Variants in EYS observed in about 807,000 individuals in gnomAD.
EYS encodes the protein EGF-like photoreceptor maintenance factor.
Under a neutral mutation model 282.1 loss-of-function variants are expected in EYS, and 250 were observed. The ratio of observed to expected loss-of-function variants is 0.89; its 90% CI spans 0.80 to 0.98. The LOEUF is 0.98. Ranked by LOEUF, EYS falls within the 50% of genes least tolerant of loss-of-function variation. EYS has a pLI of 0.00. For synonymous variants in EYS, 1,355 were observed against 1,282.9 expected (o/e 1.06, Z -1.20); for missense variants, 4,016 against 3,709.0 (o/e 1.08, Z -2.15).
At chr6:64,989,394 AATATATATATAT>A (rs60684321) in intron 14 of EYS, among the ~76,000 whole-genome samples, 1 of 69,722 alleles carries the variant, frequency 1.4e-5, no homozygotes, top group African/African-American at 7.6e-5. Flanking sequence ...GGCTAGCTGT[AATATATATATAT>A]ATATATATAT....
In EYS at chr6:65,495,006, AGT is replaced by A. The variant is rs2127271339; in HGVS notation, c.403_404del (p.Thr135CysfsTer2). Reference protein sequence around the residue: ...LFGCRLKGMHTVNSKWLSVGT... With the variant: ...LFGCRLKGMHXVNSKWLSVGT... Reference sequence around the variant, plus strand: ...CAACACTCAGCCACTTAGAATTAACAGTGTGCATTCCTTTTAGTCTGCAGCCA... The same window carrying A: ...CAACACTCAGCCACTTAGAATTAACAGTGCATTCCTTTTAGTCTGCAGCCA... On this transcript the variant is annotated frameshift_variant, in exon 4 of 43. Transcript: ENST00000503581. LOFTEE classifies it high-confidence loss of function. 3 of 1,614,210 alleles carry A rather than the reference AGT, an allele frequency of 1.9e-6. No individual in the cohort carries two copies. In the South Asian group the frequency reaches 3.3e-5, roughly 18 times the overall value.
At chr6:64,293,899 G>C (rs1768806109) in intron 30 of EYS, among the ~76,000 whole-genome samples, 1 of 152,112 alleles carries the variant, frequency 6.6e-6, no homozygotes, top group African/African-American at 2.4e-5. Flanking sequence ...TGATTTAGCT[G>C]TTCTTAATAT....
At chr6:65,105,048 T>C (rs915621941) in intron 12 of EYS, among the ~76,000 whole-genome samples, 1 of 151,706 alleles carries the variant, frequency 6.6e-6, no homozygotes. Context: ...TACATGTTTT[T>C]CCATGGTTAA....
intron 12 of EYS, among the ~76,000 whole-genome samples, chr6:65,291,433 T>A (rs1768521901): frequency 6.6e-6 from 1 of 151,510 alleles, no homozygotes; most frequent in Non-Finnish European, 1.5e-5. Flanking sequence ...TTTCTTCAAG[T>A]TAGGTACATG....
intron 12 of EYS, among the ~76,000 whole-genome samples, chr6:65,247,652 A>G (rs1390198269): frequency 6.6e-6 from 1 of 152,060 alleles, no homozygotes; most frequent in African/African-American, 2.4e-5. Context: ...TTCTAACCTA[A>G]TTACCAGACA....
chr6:64,348,640 G>T (rs1463383798), intron 29 of EYS, among the ~76,000 whole-genome samples: 3 of 151,438 alleles, frequency 2.0e-5, no homozygotes, highest in Non-Finnish European at 4.4e-5. Context: ...CTGATGCCTT[G>T]CAAATGTTCT....
At chr6:64,264,401 T>G (rs2150354485) in intron 30 of EYS, among the ~76,000 whole-genome samples, 1 of 152,256 alleles carries the variant, frequency 6.6e-6, no homozygotes, top group East Asian at 1.9e-4. Flanking sequence ...TTAGGACTAC[T>G]GATTTCTGTT....
At chr6:64,769,015 A>G (rs1583136674) in intron 22 of EYS, among the ~76,000 whole-genome samples, 1 of 152,092 alleles carries the variant, frequency 6.6e-6, no homozygotes, top group African/African-American at 2.4e-5. Flanking sequence ...CTTGTTTGCT[A>G]CACTCCAAGC....
At chr6:64,501,087 G>GT (rs545330107) in intron 26 of EYS, among the ~76,000 whole-genome samples, 43 of 140,666 alleles carry the variant, frequency 3.1e-4, no homozygotes, top group African/African-American at 5.3e-4. Context: ...AAATTCTAGG[G>GT]TTTTTTTTTA....
At chr6:65,079,501 A>G (rs1225770154) in intron 12 of EYS, among the ~76,000 whole-genome samples, 1 of 152,072 alleles carries the variant, frequency 6.6e-6, no homozygotes, top group Admixed American at 6.6e-5. Context: ...TAAATATAAA[A>G]TACATGTCAG....
chr6:64,968,614 T>C (rs1770181455), intron 14 of EYS, among the ~76,000 whole-genome samples: 1 of 152,146 alleles, frequency 6.6e-6, no homozygotes, highest in Non-Finnish European at 1.5e-5. Flanking sequence ...AACAATCACA[T>C]TACCTAGGAC....
intron 33 of EYS, among the ~76,000 whole-genome samples, chr6:64,031,737 T>C (rs1311631575): frequency 6.6e-6 from 1 of 151,912 alleles, no homozygotes; most frequent in Non-Finnish European, 1.5e-5. Flanking sequence ...AGAACTTTTG[T>C]GTGGTGACAC....
intron 35 of EYS, among the ~76,000 whole-genome samples, chr6:63,933,736 T>G (rs1056474144): frequency 6.6e-6 from 1 of 152,132 alleles, no homozygotes; most frequent in Non-Finnish European, 1.5e-5. Context: ...AAACACTCAT[T>G]GCTCCAGTGA....
chr6:65,295,754 C>T, intron 12 of EYS, 109 bp downstream of exon 12: 1 of 965,634 alleles, frequency 1.0e-6, no homozygotes, highest in Non-Finnish European at 1.5e-6. Flanking sequence ...AATGAGACAA[C>T]AATACCAATC....
intron 2 of EYS, among the ~76,000 whole-genome samples, chr6:65,519,708 A>ATATATATATATATATTTT (rs1554205854): frequency 2.3e-5 from 1 of 42,560 alleles, no homozygotes; most frequent in Non-Finnish European, 3.7e-5. Flanking sequence ...ATATATATAT[A>ATATATATATATATATTTT]TTTTTTTTTT....
At chr6:65,083,787 C>A (rs1477137062) in intron 12 of EYS, among the ~76,000 whole-genome samples, 1 of 151,554 alleles carries the variant, frequency 6.6e-6, no homozygotes, top group African/African-American at 2.4e-5. Flanking sequence ...TAATTAAAAT[C>A]ACTTTCATAA....
intron 12 of EYS, among the ~76,000 whole-genome samples, chr6:65,256,160 T>G (rs569801160): frequency 1.7e-4 from 26 of 152,010 alleles, no homozygotes; most frequent in African/African-American, 6.3e-4. Context: ...GAAGTACTAT[T>G]CAGTCATAAA....
At chr6:64,897,949 G>A (rs371794838) in intron 18 of EYS, among the ~76,000 whole-genome samples, 7 of 152,186 alleles carry the variant, frequency 4.6e-5, no homozygotes, top group East Asian at 3.9e-4. Flanking sequence ...AGAAATATGG[G>A]ACTATGTGAA....
chr6:64,409,789 T>A (rs892541108), intron 28 of EYS, among the ~76,000 whole-genome samples: 1 of 152,182 alleles, frequency 6.6e-6, no homozygotes. Context: ...TATATCAATT[T>A]ATGTTGATAG....
Sources: gnomAD v4.1 joint callset for allele counts (sites outside exome capture counted in the v4.1 genomes callset) on GRCh38, gnomAD v4.1.1 for gene constraint, MANE v1.5 for transcripts, NCBI Gene and HGNC (gene_info 2026-07-23, HGNC 2026-07-21) for gene names.